Variants in RBMS3 observed in about 807,000 individuals in gnomAD.
The protein encoded by RBMS3 is RNA-binding motif, single-stranded-interacting protein 3.
In RBMS3, 27 loss-of-function variants were observed where a neutral mutation model predicts 66.8. That is an observed-to-expected ratio of 0.40 (90% CI 0.30 to 0.56). The LOEUF is 0.56. RBMS3 is among the 20% of genes least tolerant of loss of function. RBMS3 has a pLI of 0.40. For missense variants in RBMS3, 513 were observed against 549.5 expected (o/e 0.93, Z 0.66); for synonymous variants, 188 against 183.0 (o/e 1.03, Z -0.22).
intron 14 of RBMS3, among the ~76,000 whole-genome samples, chr3:29,995,465 G>C (rs1227340538): frequency 6.6e-6 from 1 of 151,978 alleles, no homozygotes; most frequent in African/African-American, 2.4e-5. Context: ...ATAATTGTCA[G>C]ATTCACCAAA....
chr3:29,417,597 C>T (rs2040531281), intron 1 of RBMS3, among the ~76,000 whole-genome samples: 1 of 152,072 alleles, frequency 6.6e-6, no homozygotes, highest in Admixed American at 6.6e-5. Flanking sequence ...AGAATGTCCC[C>T]CTTTCTGCAT....
chr3:29,313,520 G>A (rs1575523926), intron 1 of RBMS3, among the ~76,000 whole-genome samples: 1 of 151,682 alleles, frequency 6.6e-6, no homozygotes, highest in Admixed American at 6.6e-5. Context: ...AGTCTATGGT[G>A]ACATGATTTA....
chr3:29,585,845 G>A (rs1392217048), intron 3 of RBMS3, among the ~76,000 whole-genome samples: 1 of 152,010 alleles, frequency 6.6e-6, no homozygotes, highest in Non-Finnish European at 1.5e-5. Context: ...TCTCTGCCCA[G>A]CTTTTCAAGA....
intron 12 of RBMS3, among the ~76,000 whole-genome samples, chr3:29,950,728 C>T (rs899501139): frequency 3.3e-5 from 5 of 151,828 alleles, no homozygotes; most frequent in African/African-American, 1.2e-4. Flanking sequence ...AAAATTTTAA[C>T]ATTTTAACCT....
intron 2 of RBMS3, among the ~76,000 whole-genome samples, chr3:29,468,433 G>C (rs546405169): frequency 6.6e-6 from 1 of 152,202 alleles, no homozygotes; most frequent in Non-Finnish European, 1.5e-5. Context: ...ACATCATGTG[G>C]CATTAACCTA....
intron 1 of RBMS3, among the ~76,000 whole-genome samples, chr3:29,293,301 A>G (rs1306547422): frequency 6.6e-6 from 1 of 151,764 alleles, no homozygotes; most frequent in Non-Finnish European, 1.5e-5. Context: ...TCTCATTCTG[A>G]GAAGGAAAAA....
intron 12 of RBMS3, 106 bp downstream of exon 12, chr3:29,944,360 G>T (rs1266372474): frequency 3.5e-5 from 33 of 955,034 alleles, no homozygotes; most frequent in South Asian, 2.0e-4. Context: ...AGAGGTGGGT[G>T]CAGGAAATTT....
At chr3:29,313,903 T>C (rs1458531927) in intron 1 of RBMS3, among the ~76,000 whole-genome samples, 1 of 151,638 alleles carries the variant, frequency 6.6e-6, no homozygotes, top group Non-Finnish European at 1.5e-5. Flanking sequence ...AAAAGGAAAA[T>C]TCGGGATGAG....
intron 6 of RBMS3, among the ~76,000 whole-genome samples, chr3:29,786,623 A>C (rs2056829946): frequency 6.6e-6 from 1 of 152,194 alleles, no homozygotes; most frequent in Non-Finnish European, 1.5e-5. Flanking sequence ...TGGTGCTGGC[A>C]TAATTGGCAA....
chr3:29,461,363 C>T (rs1316392339), intron 2 of RBMS3, among the ~76,000 whole-genome samples: 1 of 152,206 alleles, frequency 6.6e-6, no homozygotes, highest in Non-Finnish European at 1.5e-5. Context: ...GAACCTTGCT[C>T]ACCCTTACCT....
intron 1 of RBMS3, among the ~76,000 whole-genome samples, chr3:29,371,914 T>A (rs13089350): frequency 6.6e-5 from 10 of 152,114 alleles, no homozygotes; most frequent in East Asian, 1.9e-4. Flanking sequence ...AAAAGATTCC[T>A]CTATTCATTT....
intron 9 of RBMS3, among the ~76,000 whole-genome samples, chr3:29,899,431 A>G (rs1482399129): frequency 1.3e-5 from 2 of 151,702 alleles, no homozygotes; most frequent in Non-Finnish European, 3.0e-5. Context: ...AGCGTTCAAC[A>G]TCAACCTCAA....
chr3:29,660,527 C>A lies in RBMS3; in HGVS notation c.399+73322C>A, dbSNP rs149231439. 7.2e-3 allele frequency among the ~76,000 whole-genome samples: 1,096 copies of A among 152,244 alleles called. 51 individuals carry two copies. The highest frequency in any genetic ancestry group is 0.058 in the Admixed American group (891 of 15,270). ...TGGAGAGCTTAATTCGTTACTGATA[C>A]GGAGAGACTTACTTCTGTCATTTTG... On this transcript the variant is annotated intron_variant, in intron 4 of 14. Coordinates refer to ENST00000383767, the MANE Select transcript of RBMS3 (RefSeq NM_001003793.3).
intron 3 of RBMS3, among the ~76,000 whole-genome samples, chr3:29,503,803 C>A (rs950696664): frequency 2.6e-5 from 4 of 152,046 alleles, no homozygotes; most frequent in Non-Finnish European, 4.4e-5. Flanking sequence ...TATAAAGTAC[C>A]TCTGCAGTGG....
intron 4 of RBMS3, among the ~76,000 whole-genome samples, chr3:29,706,186 A>C (rs963518999): frequency 6.6e-6 from 1 of 152,140 alleles, no homozygotes; most frequent in Admixed American, 6.5e-5. Flanking sequence ...TCTGCCATTT[A>C]CCTACCTTTG....
At chr3:29,670,920 G>T (rs943660036) in intron 4 of RBMS3, among the ~76,000 whole-genome samples, 1 of 152,202 alleles carries the variant, frequency 6.6e-6, no homozygotes, top group Non-Finnish European at 1.5e-5. Context: ...TGAGCACGGA[G>T]TTTGAGATCT....
chr3:29,739,884 T>G lies in RBMS3; in HGVS notation c.557+7T>G, dbSNP rs1165754142. The G allele has an allele frequency of 6.4e-7, 1 of 1,555,898 alleles. No individual in the cohort carries two copies. The highest frequency in any genetic ancestry group is 8.7e-7 in the Non-Finnish European group (1 of 1,153,790). On this transcript the variant is annotated splice_region_variant and intron_variant, in intron 5 of 14. Transcript: ENST00000383767. ...GAGGTGTTGGCTTTGCCAGGTAAAA[T>G]TCTTTCTTTGTATGTAATCGTTCTT...
At chr3:29,518,482 A>G (rs1321117739) in intron 3 of RBMS3, among the ~76,000 whole-genome samples, 2 of 152,222 alleles carry the variant, frequency 1.3e-5, no homozygotes, top group Non-Finnish European at 2.9e-5. Context: ...ATAAATGTGC[A>G]TGGCTATCTC....
In RBMS3 at chr3:29,685,918, A is replaced by G. The variant is rs543080166; in HGVS notation, c.400-53802A>G. On this transcript the variant is annotated intron_variant, in intron 4 of 14. Coordinates refer to ENST00000383767, the MANE Select transcript of RBMS3 (RefSeq NM_001003793.3). ...TGCCTGGCAGCTGGGTGAATCAGGA[A>G]GACTTCTAACGTTAGTTTTCCCATA... Among the ~76,000 whole-genome samples the G allele has an allele frequency of 3.3e-5, 5 of 152,296 alleles. No homozygotes were observed. In the East Asian group the frequency reaches 7.7e-4, roughly 24 times the overall value.
Sources: gnomAD v4.1 joint callset for allele counts (sites outside exome capture counted in the v4.1 genomes callset) on GRCh38, gnomAD v4.1.1 for gene constraint, MANE v1.5 for transcripts, NCBI Gene and HGNC (gene_info 2026-07-23, HGNC 2026-07-21) for gene names.